Variants in BICRAL observed in about 807,000 individuals in gnomAD.
BICRAL encodes BRD4-interacting chromatin-remodeling complex-associated protein-like.
In BICRAL, 8 loss-of-function variants were observed where a neutral mutation model predicts 91.8. The observed-to-expected ratio is 0.09, with a 90% CI of 0.05 to 0.16. BICRAL has a LOEUF of 0.16. Among genes scored for constraint, BICRAL ranks in the 10% least tolerant of loss-of-function variants. The pLI is 1.00. For missense variants in BICRAL, 1,038 were observed against 1,310.9 expected (o/e 0.79, Z 3.21); for synonymous variants, 445 against 491.1 (o/e 0.91, Z 1.24).
At chr6:42,776,242 T>C (rs1762805323) in intron 1 of BICRAL, among the ~76,000 whole-genome samples, 1 of 152,102 alleles carries the variant, frequency 6.6e-6, no homozygotes, top group Non-Finnish European at 1.5e-5. Flanking sequence ...GGCTGGTCTC[T>C]TGGCCAGGCT....
chr6:42,814,725 A>G (rs1763935686), intron 2 of BICRAL, among the ~76,000 whole-genome samples: 3 of 150,908 alleles, frequency 2.0e-5, no homozygotes, highest in African/African-American at 4.9e-5. Context: ...GGGTTTCACC[A>G]TGTTGGCCAG....
intron 3 of BICRAL, among the ~76,000 whole-genome samples, chr6:42,822,385 C>T (rs1319272170): frequency 6.6e-6 from 1 of 151,120 alleles, no homozygotes; most frequent in Non-Finnish European, 1.5e-5. Context: ...GGACTACAGT[C>T]ACACACCACC....
At chr6:42,793,936 T>C (rs1357867259) in intron 1 of BICRAL, among the ~76,000 whole-genome samples, 1 of 151,686 alleles carries the variant, frequency 6.6e-6, no homozygotes, top group East Asian at 1.9e-4. Flanking sequence ...CCCCATGTTG[T>C]CCAGGCTTGT....
chr6:42,770,240 G>GT (rs1762697640), intron 1 of BICRAL, among the ~76,000 whole-genome samples: 1 of 151,590 alleles, frequency 6.6e-6, no homozygotes, highest in African/African-American at 2.4e-5. Flanking sequence ...GTTTTCTTTT[G>GT]TTTTTTAAGA....
At chr6:42,752,212 C>T (rs1377183495) in intron 1 of BICRAL, among the ~76,000 whole-genome samples, 1 of 152,178 alleles carries the variant, frequency 6.6e-6, no homozygotes, top group East Asian at 1.9e-4. Flanking sequence ...GCCCCTGGCG[C>T]TCTCCTCTGC....
chr6:42,817,035 T>A (rs1582841387), intron 2 of BICRAL, among the ~76,000 whole-genome samples: 1 of 147,838 alleles, frequency 6.8e-6, no homozygotes, highest in Non-Finnish European at 1.5e-5. Flanking sequence ...AAAAAAATTG[T>A]GTATCTTCCT....
intron 1 of BICRAL, among the ~76,000 whole-genome samples, chr6:42,794,148 C>T (rs1034687572): frequency 1.4e-4 from 21 of 151,700 alleles, no homozygotes; most frequent in South Asian, 2.1e-4. Flanking sequence ...CCAGATAGCA[C>T]GGATTACAGG....
At position 42,750,877 on chromosome 6, in the gene BICRAL, C is replaced by CTT. The variant is rs397886906; in HGVS notation, c.-261+3884_-261+3885dup. On this transcript the variant is annotated intron_variant, in intron 1 of 14. Coordinates refer to the BICRAL transcript ENST00000614467. ...ACAGGCGTGAGCCACCGCGCCCGGC[C>CTT]TTTTTTTTTTTTTTTTTTTTTTTTT... 3.4e-3 allele frequency among the ~76,000 whole-genome samples: 309 copies of CTT among 90,656 alleles called. 26 individuals are homozygous for CTT. Among genetic ancestry groups the CTT allele is most frequent in the African/African-American group, 8.3e-3 (184 of 22,136 alleles). The allele number at this position is 90,656 out of a possible 152,430, so 59.5% of individuals were successfully genotyped here.
At chr6:42,764,357 G>GC (rs1466658957) in intron 1 of BICRAL, among the ~76,000 whole-genome samples, 1 of 150,828 alleles carries the variant, frequency 6.6e-6, no homozygotes, top group African/African-American at 2.4e-5. Context: ...TTCAAGACCA[G>GC]CCTAGGCAAC....
intron 1 of BICRAL, among the ~76,000 whole-genome samples, chr6:42,756,186 A>C (rs1218569812): frequency 1.3e-5 from 2 of 152,114 alleles, no homozygotes; most frequent in Admixed American, 6.6e-5. Flanking sequence ...TTAGCCACTT[A>C]TCCGACTTCT....
In BICRAL at chr6:42,868,415, T is replaced by A. The variant is rs1765773695; in HGVS notation, c.*2969T>A. On this transcript the variant is annotated 3_prime_UTR_variant, in exon 13 of 13. Coordinates refer to ENST00000314073, the MANE Select transcript of BICRAL (RefSeq NM_001393499.1). ...TAAAAAAAAAAAAACTATAACAAAT[T>A]GCAGTTTATTTTGTTATGTTGGATA... 1 of 152,442 alleles carries A rather than the reference T, an allele frequency of 6.6e-6. No individual in the cohort carries two copies. The highest frequency in any genetic ancestry group is 2.4e-5 in the African/African-American group (1 of 41,420). The allele number at this position is 152,442 out of a possible 1,614,324, so 9.4% of individuals were successfully genotyped here. A position where few individuals can be genotyped will look rare whatever the true frequency, so the allele number is the denominator to read the frequency against.
chr6:42,801,136 C>T (rs1056177151), intron 1 of BICRAL, among the ~76,000 whole-genome samples: 4 of 151,632 alleles, frequency 2.6e-5, no homozygotes, highest in Non-Finnish European at 5.9e-5. Context: ...CCTGTAATCC[C>T]AGCTACTCAG....
chr6:42,865,464 C>G lies in BICRAL; in HGVS notation c.*18C>G. 2 of 1,522,026 alleles carry G rather than the reference C, an allele frequency of 1.3e-6. No homozygotes were observed. Among genetic ancestry groups the G allele is most frequent in the Non-Finnish European group, 9.0e-7 (1 of 1,105,882 alleles). The allele number at this position is 1,522,026 out of a possible 1,614,324, so 94.3% of individuals were successfully genotyped here. A position where few individuals can be genotyped will look rare whatever the true frequency, so the allele number is the denominator to read the frequency against. On this transcript the variant is annotated 3_prime_UTR_variant, in exon 13 of 13. Coordinates refer to ENST00000314073, the MANE Select transcript of BICRAL (RefSeq NM_001393499.1). ...AGTGTTAATAGCAGCAGTCCTCCCCCTACCCCGCCCCGAGACCCCACCCCG... is the reference window on the plus strand; with the variant it reads ...AGTGTTAATAGCAGCAGTCCTCCCCGTACCCCGCCCCGAGACCCCACCCCG...
intron 2 of BICRAL, among the ~76,000 whole-genome samples, chr6:42,817,401 T>A (rs904381062): frequency 4.6e-5 from 7 of 152,224 alleles, no homozygotes; most frequent in South Asian, 4.1e-4. Context: ...GAGAGTTTTT[T>A]AAATTAAGAT....
At chr6:42,817,844 A>C (rs1004943038) in intron 2 of BICRAL, among the ~76,000 whole-genome samples, 4 of 152,018 alleles carry the variant, frequency 2.6e-5, no homozygotes, top group Non-Finnish European at 5.9e-5. Context: ...CATGTGAAAG[A>C]ATACCCACGT....
rs538258209 is a variant in BICRAL, at chr6:42,867,119, G to A, written c.*1673G>A. The A allele has an allele frequency of 3.3e-5, 9 of 274,626 alleles. No homozygotes were observed. In the East Asian group the frequency reaches 7.6e-4, roughly 23 times the overall value. 17.0% of individuals were successfully genotyped at this position (274,626 alleles called of 1,614,324 possible). A position where few individuals can be genotyped will look rare whatever the true frequency, so the allele number is the denominator to read the frequency against. ...TGCTTCTGGCTGTCGCCAACATGGG[G>A]ATGACCCCCATTGTCATCATGTTGG... On this transcript the variant is annotated 3_prime_UTR_variant, in exon 13 of 13. Transcript: ENST00000314073.
intron 1 of BICRAL, among the ~76,000 whole-genome samples, chr6:42,770,409 A>ATT (rs1339391074): frequency 1.1e-4 from 13 of 119,642 alleles, no homozygotes; most frequent in African/African-American, 4.3e-4. Flanking sequence ...TATTATTATT[A>ATT]TTATTTTTTT....
chr6:42,791,401 C>T (rs1272746489), intron 1 of BICRAL, among the ~76,000 whole-genome samples: 1 of 152,008 alleles, frequency 6.6e-6, no homozygotes, highest in African/African-American at 2.4e-5. Flanking sequence ...AAATTAAAGC[C>T]CTGAGTCTGA....
chr6:42,781,562 C>T (rs1177912386), upstream of BICRAL, among the ~76,000 whole-genome samples: 1 of 136,276 alleles, frequency 7.3e-6, no homozygotes, highest in African/African-American at 2.7e-5. Context: ...AATCTCCCCC[C>T]TTCCCGTGTC....
Sources: gnomAD v4.1 joint callset for allele counts (sites outside exome capture counted in the v4.1 genomes callset) on GRCh38, gnomAD v4.1.1 for gene constraint, MANE v1.5 for transcripts, NCBI Gene and HGNC (gene_info 2026-07-23, HGNC 2026-07-21) for gene names.